The following SNTG2 variants were observed in gnomAD, a reference collection of about 807,000 sequenced individuals.
SNTG2 encodes the protein syntrophin gamma 2.
Under a neutral mutation model 70.9 loss-of-function variants are expected in SNTG2, and 74 were observed. The observed-to-expected ratio is 1.04, with a 90% confidence interval of 0.86 to 1.27. SNTG2 has a LOEUF of 1.27. SNTG2 is among the 50% of genes most tolerant of loss of function. The pLI is 0.00. For synonymous variants in SNTG2, 278 were observed against 273.8 expected, an observed-to-expected ratio of 1.02 and a Z score of -0.15; for missense variants, 717 against 690.7, an observed-to-expected ratio of 1.04 and a Z score of -0.43.
intron 2 of SNTG2, among the ~76,000 whole-genome samples, chr2:1,088,856 A>G (rs1291577097): frequency 6.6e-6 from 1 of 152,196 alleles, no homozygotes; most frequent in East Asian, 1.9e-4. Flanking sequence ...TTGTGTTTAA[A>G]ATGGCCACTG....
rs562947391 is a variant in SNTG2, at chr2:981,874, C to T, written c.72+30806C>T. On this transcript the variant is annotated intron_variant, in intron 1 of 16. Coordinates refer to ENST00000308624, the MANE Select transcript of SNTG2 (RefSeq NM_018968.4). ...ACACACACGTCCACACAGATGCACA[C>T]AGATATACATTCACATGCGTTTGTG... 2.6e-5 allele frequency among the ~76,000 whole-genome samples: 4 copies of T among 152,210 alleles called. No individual in the cohort carries two copies. The South Asian group carries it at 6.2e-4, about 24-fold the overall frequency.
chr2:1,059,238 G>A (rs955595246), intron 1 of SNTG2: 2 of 152,136 alleles, frequency 1.3e-5, no homozygotes, highest in African/African-American at 4.8e-5. Context: ...TCTTAGAGCT[G>A]GAGTGAATAT....
chr2:987,999 C>T (rs927199330), intron 1 of SNTG2, among the ~76,000 whole-genome samples: 51 of 152,208 alleles, frequency 3.4e-4, no homozygotes, highest in African/African-American at 1.2e-3. Context: ...TTCTTCCTGC[C>T]CTCAGCCTCG....
intron 1 of SNTG2, among the ~76,000 whole-genome samples, chr2:1,036,605 C>T (rs2148047223): frequency 6.6e-6 from 1 of 152,154 alleles, no homozygotes; most frequent in South Asian, 2.1e-4. Context: ...TCCTTTCTGC[C>T]TGGGTTTATA....
chr2:1,228,447 G>A (rs900587978), intron 9 of SNTG2, among the ~76,000 whole-genome samples: 3 of 152,170 alleles, frequency 2.0e-5, no homozygotes, highest in Admixed American at 6.5e-5. Flanking sequence ...CCACTGCCAT[G>A]GTCCATGCCT....
chr2:1,154,933 C>T (rs962626025), intron 6 of SNTG2, among the ~76,000 whole-genome samples: 1 of 135,598 alleles, frequency 7.4e-6, no homozygotes, highest in Admixed American at 7.7e-5. Context: ...CAAAAACATA[C>T]ACACCACACA....
intron 6 of SNTG2, among the ~76,000 whole-genome samples, chr2:1,162,625 CA>C (rs975635739): frequency 1.3e-5 from 2 of 152,172 alleles, no homozygotes; most frequent in Non-Finnish European, 2.9e-5. Flanking sequence ...CGAGGGCTTG[CA>C]GGGCCTTGTG....
At chr2:962,722 TA>T (rs557288977) in intron 1 of SNTG2, among the ~76,000 whole-genome samples, 19 of 152,330 alleles carry the variant, frequency 1.2e-4, no homozygotes, top group Non-Finnish European at 2.4e-4. Flanking sequence ...TGATGTTAAG[TA>T]ATGAAGCCAC....
intron 15 of SNTG2, among the ~76,000 whole-genome samples, chr2:1,312,971 G>C (rs980439887): frequency 6.6e-6 from 1 of 152,192 alleles, no homozygotes; most frequent in African/African-American, 2.4e-5. Context: ...ATCAAGAAAC[G>C]AATTAGGTTT....
intron 16 of SNTG2, among the ~76,000 whole-genome samples, chr2:1,340,018 G>A (rs1409523253): frequency 2.6e-5 from 4 of 152,268 alleles, no homozygotes; most frequent in Non-Finnish European, 1.5e-5. Context: ...TGCTCCCAGA[G>A]GGGTGGAAGC....
rs1553315640 is a variant in SNTG2, at chr2:1,054,941, G to GTTTTTGCT, written c.73-28571_73-28570insCTTTTTTG. Among the ~76,000 whole-genome samples the GTTTTTGCT allele has an allele frequency of 2.9e-3, 438 of 150,892 alleles. 3 individuals are homozygous for GTTTTTGCT. Among genetic ancestry groups the GTTTTTGCT allele is most frequent in the African/African-American group, 0.01 (418 of 40,742 alleles). ...CCAGGGTGATGGCTTTTTTTGTTTT[G>GTTTTTGCT]TTTTTGTTTTTGTTTTTTTTTCCCT... On this transcript the variant is annotated intron_variant, in intron 1 of 16. Transcript: ENST00000308624.
At chr2:1,153,256 A>T (rs577583915) in intron 6 of SNTG2, among the ~76,000 whole-genome samples, 1 of 152,038 alleles carries the variant, frequency 6.6e-6, no homozygotes, top group Non-Finnish European at 1.5e-5. Flanking sequence ...TCTTTTTTTT[A>T]TTATCCATTT....
intron 16 of SNTG2, among the ~76,000 whole-genome samples, chr2:1,317,773 G>T (rs1399302755): frequency 1.3e-5 from 2 of 149,340 alleles, no homozygotes; most frequent in African/African-American, 4.9e-5. Context: ...CATTGGAGAA[G>T]GTTGGGATTC....
At chr2:1,233,347 G>A (rs376209913) in intron 9 of SNTG2, among the ~76,000 whole-genome samples, 38 of 152,278 alleles carry the variant, frequency 2.5e-4, no homozygotes, top group South Asian at 6.2e-4. Flanking sequence ...ATTGGTTTCC[G>A]CTGAAACAGA....
At chr2:1,028,271 TA>T (rs1286040297) in intron 1 of SNTG2, among the ~76,000 whole-genome samples, 1 of 149,726 alleles carries the variant, frequency 6.7e-6, no homozygotes, top group Non-Finnish European at 1.5e-5. Context: ...ACCCAGTAAG[TA>T]ACTCATGCAT....
At chr2:1,261,534 C>T (rs2148169385) in intron 13 of SNTG2, among the ~76,000 whole-genome samples, 1 of 152,210 alleles carries the variant, frequency 6.6e-6, no homozygotes, top group South Asian at 2.1e-4. Flanking sequence ...ACCAATCAGC[C>T]TTGATTGCAG....
At chr2:1,165,678 C>CT (rs1670662596) in intron 7 of SNTG2, 43 bp downstream of exon 7, 1 of 1,498,434 alleles carries the variant, frequency 6.7e-7, no homozygotes, top group African/African-American at 1.4e-5. Context: ...GGAGAAATTC[C>CT]TTTCTTGCCA....
chr2:1,113,594 C>A (rs1035600686), intron 4 of SNTG2, among the ~76,000 whole-genome samples: 1 of 150,662 alleles, frequency 6.6e-6, no homozygotes, highest in African/African-American at 2.4e-5. Flanking sequence ...TTAACCCTTA[C>A]AGTACTTTGA....
At chr2:1,093,266 G>A (rs1249642721) in intron 2 of SNTG2, among the ~76,000 whole-genome samples, 1 of 152,140 alleles carries the variant, frequency 6.6e-6, no homozygotes, top group Admixed American at 6.5e-5. Flanking sequence ...TGTTTTGGTT[G>A]CATTAGAAAT....
Sources: gnomAD v4.1 joint callset for allele counts (sites outside exome capture counted in the v4.1 genomes callset) on GRCh38, gnomAD v4.1.1 for gene constraint, MANE v1.5 for transcripts, NCBI Gene and HGNC (gene_info 2026-07-23, HGNC 2026-07-21) for gene names.